The following RAE1 variants were observed in gnomAD, a reference collection of about 807,000 sequenced individuals.
The protein encoded by RAE1 is ribonucleic acid export 1.
A neutral mutation model predicts 52.7 loss-of-function variants in RAE1; 13 were observed. The ratio of observed to expected loss-of-function variants is 0.25; its 90% CI spans 0.16 to 0.39. The LOEUF is 0.39. RAE1 is among the 10% of genes least tolerant of loss of function. The pLI is 1.00. For missense variants in RAE1, 262 were observed against 459.8 expected (o/e 0.57, Z 3.93); for synonymous variants, 164 against 153.1 (o/e 1.07, Z -0.52).
intron 11 of RAE1, 107 bp from the exon 12 acceptor site, chr20:57,377,906 T>G: frequency 1.4e-6 from 1 of 729,066 alleles, no homozygotes; most frequent in Non-Finnish European, 2.2e-6. Context: ...CTCTGAGAGA[T>G]TATATGTTTC....
chr20:57,368,895 C>T (rs2066995290), intron 8 of RAE1, 83 bp downstream of exon 8: 3 of 1,131,744 alleles, frequency 2.7e-6, no homozygotes, highest in Non-Finnish European at 1.3e-6. Context: ...TACAGTTGTA[C>T]TTTGTAAAAC....
intron 3 of RAE1, among the ~76,000 whole-genome samples, chr20:57,355,312 C>A (rs530161469): frequency 6.6e-6 from 1 of 152,298 alleles, no homozygotes; most frequent in East Asian, 1.9e-4. Flanking sequence ...TAAAGAGGGA[C>A]TTCACAAAAG....
intron 4 of RAE1, 103 bp from the exon 5 acceptor site, chr20:57,365,253 T>C: frequency 1.4e-6 from 1 of 728,492 alleles, no homozygotes; most frequent in Non-Finnish European, 2.2e-6. Flanking sequence ...AAAATAAAGA[T>C]TGCCAAAGTT....
intron 11 of RAE1, 25 bp from the exon 12 acceptor site, chr20:57,377,988 C>G (rs979920650): frequency 1.3e-6 from 2 of 1,524,116 alleles, no homozygotes; most frequent in Admixed American, 3.5e-5. Context: ...ATAATAAGAT[C>G]ATTGGTGTTT....
chr20:57,359,163 T>C (rs2066850589), intron 4 of RAE1: 1 of 558,538 alleles, frequency 1.8e-6, no homozygotes, highest in Non-Finnish European at 2.8e-6. Flanking sequence ...CTAGAGGTGA[T>C]GTTTTTGGTA....
rs6092463 is a variant in RAE1, at chr20:57,356,978, C to T, written c.288+440C>T. Among the ~76,000 whole-genome samples, 27 of 152,336 alleles carry T rather than the reference C, an allele frequency of 1.8e-4. No homozygotes were observed. In the South Asian group the frequency reaches 5.6e-3, roughly 32 times the overall value. ...TTGAACACCCCAGCCTCTCTCCTCC[C>T]TTCTCCTGCCATTGCTGCTGGTGGC... On this transcript the variant is annotated intron_variant, in intron 4 of 11. Coordinates refer to ENST00000395841, the MANE Select transcript of RAE1 (RefSeq NM_003610.4).
rs74788671 is a variant in RAE1 at position 57,360,916 on chromosome 20, T to G, written c.288+4378T>G. Among the ~76,000 whole-genome samples, 55 of 152,254 alleles carry G rather than the reference T, an allele frequency of 3.6e-4. 2 individuals carry two copies. The East Asian group carries it at 0.01, about 28-fold the overall frequency. ...TGATCCGGGTGATCTAGAGGACATTTTCACTGGGGTAGGGGTGTTTGCATG... is the reference window on the plus strand; with the variant it reads ...TGATCCGGGTGATCTAGAGGACATTGTCACTGGGGTAGGGGTGTTTGCATG... On this transcript the variant is annotated intron_variant, in intron 4 of 11. Transcript: ENST00000395841.
chr20:57,354,207 C>A, intron 2 of RAE1, 79 bp downstream of exon 2: 1 of 1,232,476 alleles, frequency 8.1e-7, no homozygotes, highest in Non-Finnish European at 1.2e-6. Context: ...CCCGAGATGA[C>A]TTGGGAGCCT....
chr20:57,369,203 C>T (rs929130913), intron 8 of RAE1, among the ~76,000 whole-genome samples: 4 of 152,252 alleles, frequency 2.6e-5, no homozygotes, highest in African/African-American at 7.2e-5. Context: ...ATGGTTGATG[C>T]TTTCATACCA....
chr20:57,351,567 C>T (rs994761006), intron 1 of RAE1, 145 bp downstream of exon 1: 9 of 985,326 alleles, frequency 9.1e-6, no homozygotes, highest in African/African-American at 3.5e-5. Context: ...GCCCTGGAAG[C>T]GAGGTCAGAG....
chr20:57,373,383 C>T, intron 8 of RAE1, 92 bp from the exon 9 acceptor site: 1 of 1,285,844 alleles, frequency 7.8e-7, no homozygotes, highest in Non-Finnish European at 1.1e-6. Context: ...TCTTCTAAAA[C>T]CTAAACATGG....
At chr20:57,365,310 G>T in intron 4 of RAE1, 46 bp from the exon 5 acceptor site, 1 of 1,371,562 alleles carries the variant, frequency 7.3e-7, no homozygotes, top group Non-Finnish European at 1.0e-6. Flanking sequence ...TATAGTTAAA[G>T]ATTTAATTTT....
chr20:57,355,621 C>T (rs553237821), intron 3 of RAE1, among the ~76,000 whole-genome samples: 4 of 152,278 alleles, frequency 2.6e-5, no homozygotes, highest in African/African-American at 9.6e-5. Context: ...ACCTTTATAA[C>T]AGCCAAAGCA....
rs2066704966 is a variant in RAE1, at chr20:57,351,297, A to C, written c.-133A>C. 6.1e-6 allele frequency: 6 copies of C among 985,326 alleles called. No individual in the cohort carries two copies. The highest frequency in any genetic ancestry group is 6.0e-6 in the Non-Finnish European group (5 of 829,904). 61.0% of individuals were successfully genotyped at this position (985,326 alleles called of 1,614,324 possible). A position where few individuals can be genotyped will look rare whatever the true frequency, so the allele number is the denominator to read the frequency against. On this transcript the variant is annotated 5_prime_UTR_variant, in exon 1 of 12. Transcript: ENST00000395841. ...GGCAGTTTCTACCGCAGGCTTAAGG[A>C]GGCTTCGGGCTCCTGGGATTTCTGT...
At position 57,351,367 on chromosome 20, in the gene RAE1, ACTC is replaced by A; in HGVS notation, c.-59_-57del. On this transcript the variant is annotated 5_prime_UTR_variant, in exon 1 of 12. Transcript: ENST00000395841. ...CCTTCGCGCCAGAGCAGGTTCGCAA[ACTC>A]CTCAGACCCTTCTGCTCCCGGCCGC... The A allele has an allele frequency of 4.1e-6, 4 of 985,044 alleles. No individual in the cohort carries two copies. The highest frequency in any genetic ancestry group is 4.8e-6 in the Non-Finnish European group (4 of 829,866). The allele number at this position is 985,044 out of a possible 1,614,324, so 61.0% of individuals were successfully genotyped here. A position where few individuals can be genotyped will look rare whatever the true frequency, so the allele number is the denominator to read the frequency against.
intron 1 of RAE1, chr20:57,351,812 T>A: frequency 2.0e-6 from 2 of 985,512 alleles, no homozygotes; most frequent in Non-Finnish European, 2.4e-6. Flanking sequence ...GCTCCATTTC[T>A]TTCGTAGCAG....
rs767738019 is a variant in RAE1 at position 57,373,457 on chromosome 20, TTTTTA to T, written c.643-12_643-8del. 3 of 1,601,392 alleles carry T rather than the reference TTTTTA, an allele frequency of 1.9e-6. No homozygotes were observed. Among genetic ancestry groups the T allele is most frequent in the Admixed American group, 1.7e-5 (1 of 59,612 alleles). Reference sequence around the variant, plus strand: ...TATATTATGCTGTGATTATGTCTCTTTTTTATTTTAACTGTAGCATCGGTGTGTGG... The same window carrying T: ...TATATTATGCTGTGATTATGTCTCTTTTTTAACTGTAGCATCGGTGTGTGG... On this transcript the variant is annotated splice_polypyrimidine_tract_variant and intron_variant, in intron 8 of 11. Coordinates refer to ENST00000395841, the MANE Select transcript of RAE1 (RefSeq NM_003610.4).
intron 11 of RAE1, 93 bp downstream of exon 11, chr20:57,374,894 G>A: frequency 7.2e-7 from 1 of 1,397,420 alleles, no homozygotes; most frequent in Non-Finnish European, 1.0e-6. Context: ...ACTCTTCTCA[G>A]GACTCACGTG....
intron 1 of RAE1, among the ~76,000 whole-genome samples, chr20:57,353,478 C>T (rs964777621): frequency 1.1e-4 from 17 of 152,184 alleles, no homozygotes; most frequent in African/African-American, 3.4e-4. Context: ...ACACGATGCC[C>T]GACCTTTTTA....
Sources: gnomAD v4.1 joint callset for allele counts (sites outside exome capture counted in the v4.1 genomes callset) on GRCh38, gnomAD v4.1.1 for gene constraint, MANE v1.5 for transcripts, NCBI Gene and HGNC (gene_info 2026-07-23, HGNC 2026-07-21) for gene names.